CNTNAP2: variants seen among roughly 807,000 people sequenced by gnomAD.
CNTNAP2 encodes the protein contactin associated protein 2.
Under a neutral mutation model 155.2 loss-of-function variants are expected in CNTNAP2, and 98 were observed. That is an observed-to-expected ratio of 0.63 (90% confidence interval 0.54 to 0.75). The LOEUF is 0.75. Among genes scored for constraint, CNTNAP2 ranks in the 30% least tolerant of loss-of-function variants. The probability of loss-of-function intolerance (pLI) is 0.00; values close to 1 mark genes in which losing one functional copy is unlikely to be tolerated. For missense variants in CNTNAP2, 1,727 were observed against 1,688.1 expected (o/e 1.02, Z -0.40); for synonymous variants, 651 against 631.2 (o/e 1.03, Z -0.47).
intron 15 of CNTNAP2, among the ~76,000 whole-genome samples, chr7:148,103,894 A>T (rs534699880): frequency 1.3e-5 from 2 of 152,286 alleles, no homozygotes; most frequent in East Asian, 1.9e-4. Context: ...CAAACCAATT[A>T]TCTCACCCCT....
At chr7:147,521,993 T>C (rs1799236836) in intron 11 of CNTNAP2, among the ~76,000 whole-genome samples, 1 of 152,178 alleles carries the variant, frequency 6.6e-6, no homozygotes, top group Admixed American at 6.6e-5. Flanking sequence ...TTTCTGACAG[T>C]TCTAGAAGCT....
chr7:147,833,789 A>G (rs1176433580), intron 13 of CNTNAP2, among the ~76,000 whole-genome samples: 1 of 152,188 alleles, frequency 6.6e-6, no homozygotes, highest in East Asian at 1.9e-4. Context: ...TCTGTTAGGC[A>G]AGGGGTTCTG....
intron 3 of CNTNAP2, among the ~76,000 whole-genome samples, chr7:146,877,532 G>A (rs1795453449): frequency 1.3e-5 from 2 of 151,142 alleles, no homozygotes; most frequent in Admixed American, 1.3e-4. Flanking sequence ...TAAAATATGT[G>A]TATATGTGTA....
intron 1 of CNTNAP2, among the ~76,000 whole-genome samples, chr7:146,762,697 A>C (rs1802124308): frequency 1.3e-5 from 2 of 152,110 alleles, no homozygotes; most frequent in Non-Finnish European, 2.9e-5. Context: ...ATAAAGCAAA[A>C]AGATTTAATG....
chr7:147,050,149 T>C (rs982783330), intron 4 of CNTNAP2, among the ~76,000 whole-genome samples: 2 of 152,200 alleles, frequency 1.3e-5, no homozygotes, highest in Non-Finnish European at 2.9e-5. Context: ...ATATGTCCCA[T>C]GCCTTTTGAT....
At chr7:146,579,068 A>G (rs1376826901) in intron 1 of CNTNAP2, among the ~76,000 whole-genome samples, 8 of 152,046 alleles carry the variant, frequency 5.3e-5, no homozygotes, top group Admixed American at 3.9e-4. Context: ...TTTTGCTGGG[A>G]AAAAAGGTCT....
At chr7:147,240,593 C>T (rs1364910623) in intron 8 of CNTNAP2, among the ~76,000 whole-genome samples, 57 of 152,146 alleles carry the variant, frequency 3.7e-4, no homozygotes, top group Non-Finnish European at 7.3e-5. Context: ...TCTCCATAGC[C>T]TCTGTGGTGT....
At chr7:148,104,349 A>G (rs1804165377) in intron 15 of CNTNAP2, among the ~76,000 whole-genome samples, 1 of 152,228 alleles carries the variant, frequency 6.6e-6, no homozygotes. Flanking sequence ...CCAGTTTCAC[A>G]TCCGTCATTC....
At chr7:146,612,629 C>A (rs1169038785) in intron 1 of CNTNAP2, among the ~76,000 whole-genome samples, 2 of 151,982 alleles carry the variant, frequency 1.3e-5, no homozygotes, top group East Asian at 1.9e-4. Context: ...TTTAAGATGT[C>A]ATTTTTATTT....
intron 15 of CNTNAP2, among the ~76,000 whole-genome samples, chr7:148,046,822 G>A (rs900695674): frequency 6.6e-6 from 1 of 152,176 alleles, no homozygotes; most frequent in Non-Finnish European, 1.5e-5. Flanking sequence ...AACTGCTTCT[G>A]TTTCAAACAC....
At chr7:147,096,652 A>G (rs1240376942) in intron 4 of CNTNAP2, among the ~76,000 whole-genome samples, 2 of 152,230 alleles carry the variant, frequency 1.3e-5, no homozygotes, top group African/African-American at 4.8e-5. Flanking sequence ...GTGACTTCTA[A>G]TTTTAGAAGC....
At chr7:148,267,862 G>A (rs1215853952) in intron 21 of CNTNAP2, among the ~76,000 whole-genome samples, 7 of 152,192 alleles carry the variant, frequency 4.6e-5, no homozygotes, top group East Asian at 1.9e-4. Flanking sequence ...GTAATTTAAC[G>A]TTTCCTTTGT....
chr7:148,404,615 T>C lies in CNTNAP2; in HGVS notation c.3716-4776T>C, dbSNP rs140357062. Among the ~76,000 whole-genome samples, 803 of 152,340 alleles carry C rather than the reference T, an allele frequency of 5.3e-3. 7 individuals are homozygous for C. The highest frequency in any genetic ancestry group is 0.018 in the African/African-American group (736 of 41,580). On this transcript the variant is annotated intron_variant, in intron 22 of 23. Coordinates refer to ENST00000361727, the MANE Select transcript of CNTNAP2 (RefSeq NM_014141.6). ...CCCACAGCAGCATCTAGGGGTATGT[T>C]ACAATTAATGCTGTTTTAACAGTTA...
intron 1 of CNTNAP2, among the ~76,000 whole-genome samples, chr7:146,288,570 C>T (rs1800376583): frequency 6.6e-6 from 1 of 151,700 alleles, no homozygotes; most frequent in East Asian, 1.9e-4. Context: ...ACTTAAGTCC[C>T]AGTTTCCAAA....
intron 1 of CNTNAP2, among the ~76,000 whole-genome samples, chr7:146,560,268 G>T (rs1317356981): frequency 6.6e-6 from 1 of 151,912 alleles, no homozygotes; most frequent in Non-Finnish European, 1.5e-5. Context: ...CGATGAGTTT[G>T]TGCCAGTACA....
chr7:147,348,394 A>T (rs933505275), intron 9 of CNTNAP2, among the ~76,000 whole-genome samples: 3 of 152,072 alleles, frequency 2.0e-5, no homozygotes, highest in African/African-American at 7.2e-5. Context: ...AAATGAAAAA[A>T]AATTCTCAAC....
chr7:146,268,015 T>C (rs1800022088), intron 1 of CNTNAP2, among the ~76,000 whole-genome samples: 1 of 152,152 alleles, frequency 6.6e-6, no homozygotes, highest in Non-Finnish European at 1.5e-5. Flanking sequence ...TTTATAAATG[T>C]GTAGTGGTCA....
intron 4 of CNTNAP2, among the ~76,000 whole-genome samples, chr7:147,075,852 A>G (rs920218481): frequency 1.3e-5 from 2 of 152,004 alleles, no homozygotes; most frequent in Non-Finnish European, 2.9e-5. Flanking sequence ...TCATTGTTCA[A>G]TTCCCATCTA....
intron 10 of CNTNAP2, among the ~76,000 whole-genome samples, chr7:147,470,466 G>A (rs1342814551): frequency 1.3e-5 from 2 of 152,006 alleles, no homozygotes; most frequent in Non-Finnish European, 2.9e-5. Flanking sequence ...AATAGCAGTA[G>A]AGATGGTAGC....
Sources: allele counts gnomAD v4.1 joint callset (sites outside exome capture counted in the v4.1 genomes callset), GRCh38; gene constraint gnomAD v4.1.1; transcripts MANE v1.5; gene names NCBI Gene and HGNC (gene_info 2026-07-23, HGNC 2026-07-21).